KCNA3: variants seen among roughly 807,000 people sequenced by gnomAD.
The protein encoded by KCNA3 is RP11-284N8.3.
A neutral mutation model predicts 34.3 loss-of-function variants in KCNA3; 18 were observed. The observed-to-expected ratio is 0.52, with a 90% CI of 0.36 to 0.78. KCNA3 has a LOEUF of 0.78. Among genes scored for constraint, KCNA3 ranks in the 30% least tolerant of loss-of-function variants. The probability of loss-of-function intolerance (pLI) is 0.00; values close to 1 mark genes in which losing one functional copy is unlikely to be tolerated. For missense variants in KCNA3, 587 were observed against 802.5 expected, an observed-to-expected ratio of 0.73 and a Z score of 3.24; for synonymous variants, 324 against 351.7, an observed-to-expected ratio of 0.92 and a Z score of 0.88.
Position 110,673,030 on chromosome 1 carries a change from AG to A in KCNA3, c.*51del, listed in dbSNP as rs1485866815. ...ATAAAACAAGGGCATAGGCAGACCA[AG>A]GGGGCACGTTCCACACAATACTGAG... On this transcript the variant is annotated 3_prime_UTR_variant, in exon 1 of 1. Transcript: ENST00000369769. The surrounding 1 kb of genome is among the most constrained non-coding windows in gnomAD (Gnocchi z 8.8). The A allele has an allele frequency of 6.5e-7, 1 of 1,532,984 alleles. No homozygotes were observed. The highest frequency in any genetic ancestry group is 8.9e-7 in the Non-Finnish European group (1 of 1,128,848). 95.0% of individuals were successfully genotyped at this position (1,532,984 alleles called of 1,614,324 possible). A position where few individuals can be genotyped will look rare whatever the true frequency, so the allele number is the denominator to read the frequency against.
Position 110,674,803 on chromosome 1 carries a change from C to G in KCNA3, c.7G>C (p.Glu3Gln), listed in dbSNP as rs991161076. Residue 3 changes from glutamate to glutamine, a missense_variant, in exon 1 of 1, where the codon GAG becomes CAG. Around this residue, in one of 7 missense-constraint regions of KCNA3, gnomAD observed 341 missense variants for 355.4 expected, o/e 0.96. Coordinates refer to ENST00000369769, the MANE Select transcript of KCNA3 (RefSeq NM_002232.5). The surrounding 1 kb of genome is among the most constrained non-coding windows in gnomAD (Gnocchi z 6.4). The part of the protein sequence containing the change: MD[E>Q]RLSLLRSPPP... ...GGCGAGCGCAGAAGGCTGAGGCGCT[C>G]GTCCATGCGGCGGGGAAGAGGCGGC... The G allele has an allele frequency of 1.5e-6, 2 of 1,314,634 alleles. No homozygotes were observed. The highest frequency in any genetic ancestry group is 3.1e-5 in the East Asian group (1 of 31,854). The allele number at this position is 1,314,634 out of a possible 1,614,324, so 81.4% of individuals were successfully genotyped here.
the KCNA3 span, among the ~76,000 whole-genome samples, chr1:110,666,466 G>A: frequency 2.6e-5 from 4 of 152,084 alleles, no homozygotes; most frequent in Non-Finnish European, 4.4e-5. Flanking sequence ...AAAGAAGGAA[G>A]GGAGAAATAT....
the KCNA3 span, among the ~76,000 whole-genome samples, chr1:110,662,221 A>C: frequency 6.6e-6 from 1 of 152,138 alleles, no homozygotes; most frequent in African/African-American, 2.4e-5. Flanking sequence ...AAATGAGAGA[A>C]AGGAAGTACA....
In KCNA3 at chr1:110,673,985, T is replaced by C. The variant is rs1185222315; in HGVS notation, c.825A>G (p.Glu275=). Residue 275 remains glutamate (E), a synonymous_variant, in exon 1 of 1, where the codon GAA becomes GAG. Transcript: ENST00000369769. The surrounding 1 kb of genome is among the most constrained non-coding windows in gnomAD (Gnocchi z 8.8). ...ACCCCGACGTGCTGTTGCCGGCTGC[T>C]TCGAATGAGTCCTGCGACGTCGAGG... The part of the protein sequence containing the change: ...YPASTSQDSF[E]AAGNSTSGSR... 1.2e-6 allele frequency: 2 copies of C among 1,613,798 alleles called. No individual in the cohort carries two copies. Among genetic ancestry groups the C allele is most frequent in the Non-Finnish European group, 1.7e-6 (2 of 1,179,934 alleles).
At chr1:110,670,379 C>T (rs1651843207), downstream of KCNA3, among the ~76,000 whole-genome samples, 2 of 152,234 alleles carry the variant, frequency 1.3e-5, no homozygotes, top group South Asian at 2.1e-4. Context: ...GATTAAAGAA[C>T]AAAGGCCCCC....
Position 110,674,923 on chromosome 1 carries a change from G to C in KCNA3, c.-114C>G, listed in dbSNP as rs1652037996. The C allele has an allele frequency of 8.1e-7, 1 of 1,240,790 alleles. No homozygotes were observed. The highest frequency in any genetic ancestry group is 1.6e-5 in the African/African-American group (1 of 63,694). 76.9% of individuals were successfully genotyped at this position (1,240,790 alleles called of 1,614,324 possible). ...CACCGCCTGTTGCAGCCAAAGCCGC[G>C]ATGCTCTGTCTGGGTCTGGCGCGGT... On this transcript the variant is annotated 5_prime_UTR_variant, in exon 1 of 1. It adds an upstream start codon to the 5' untranslated region. Coordinates refer to ENST00000369769, the MANE Select transcript of KCNA3 (RefSeq NM_002232.5). The surrounding 1 kb of genome is among the most constrained non-coding windows in gnomAD (Gnocchi z 6.4).
chr1:110,674,898 C>T lies in KCNA3; in HGVS notation c.-89G>A. ...GCCGCCTCCGCCCCCGAGCCGAGCC[C>T]ACCGCCTGTTGCAGCCAAAGCCGCG... On this transcript the variant is annotated 5_prime_UTR_variant, in exon 1 of 1. Coordinates refer to ENST00000369769, the MANE Select transcript of KCNA3 (RefSeq NM_002232.5). The surrounding 1 kb of genome is among the most constrained non-coding windows in gnomAD (Gnocchi z 6.4). 2.4e-6 allele frequency: 3 copies of T among 1,267,710 alleles called. No individual in the cohort carries two copies. The highest frequency in any genetic ancestry group is 3.0e-6 in the Non-Finnish European group (3 of 1,009,102). The allele number at this position is 1,267,710 out of a possible 1,614,324, so 78.5% of individuals were successfully genotyped here.
At chr1:110,665,823 C>T in the KCNA3 span, among the ~76,000 whole-genome samples, 2 of 152,050 alleles carry the variant, frequency 1.3e-5, no homozygotes, top group Non-Finnish European at 2.9e-5. Flanking sequence ...GCTGACCATA[C>T]CAAATGCTTC....
chr1:110,667,910 G>A (rs1036833743), downstream of KCNA3, among the ~76,000 whole-genome samples: 1 of 152,078 alleles, frequency 6.6e-6, no homozygotes, highest in Non-Finnish European at 1.5e-5. Flanking sequence ...TATAGCAATG[G>A]CCATTTTCTG....
At chr1:110,653,692 T>C in the KCNA3 span, 8 of 152,192 alleles carry the variant, frequency 5.3e-5, no homozygotes, top group African/African-American at 1.2e-4. Flanking sequence ...TTCTGATATT[T>C]ACTTAACAAA....
rs1651944592 is a variant in KCNA3 at position 110,673,034 on chromosome 1, G to A, written c.*48C>T. 2.0e-6 allele frequency: 3 copies of A among 1,537,894 alleles called. No individual in the cohort carries two copies. The South Asian group carries it at 3.7e-5, about 19-fold the overall frequency. ...AACAAGGGCATAGGCAGACCAAGGG[G>A]GCACGTTCCACACAATACTGAGCAC... On this transcript the variant is annotated 3_prime_UTR_variant, in exon 1 of 1. Transcript: ENST00000369769. The surrounding 1 kb of genome is among the most constrained non-coding windows in gnomAD (Gnocchi z 8.8).
chr1:110,661,782 C>T, the KCNA3 span, among the ~76,000 whole-genome samples: 174 of 151,920 alleles, frequency 1.1e-3, no homozygotes, highest in African/African-American at 3.9e-3. Flanking sequence ...GGTAATTCAA[C>T]GAAACAAAAA....
At position 110,674,150 on chromosome 1, in the gene KCNA3, C is replaced by A; in HGVS notation, c.660G>T (p.Val220=). The change falls in exon 1 of 1, where the codon GTG becomes GTT. Residue 220 remains valine, a synonymous_variant. Transcript: ENST00000369769. The surrounding 1 kb of genome is among the most constrained non-coding windows in gnomAD (Gnocchi z 6.4). ...TCTCGGGGTACTCGAAGAGCAGCCA[C>A]ACCTGGCGCTGGAAGTCGCGGCGGG... The part of the protein sequence containing the change: ...PLPRRDFQRQ[V]WLLFEYPESS... The A allele has an allele frequency of 1.2e-6, 2 of 1,613,310 alleles. No homozygotes were observed. The highest frequency in any genetic ancestry group is 1.7e-6 in the Non-Finnish European group (2 of 1,179,628).
chr1:110,657,658 A>G, the KCNA3 span, among the ~76,000 whole-genome samples: 959 of 152,318 alleles, frequency 6.3e-3, 7 homozygotes, highest in African/African-American at 0.022. Flanking sequence ...TGAAACTGTA[A>G]CCTGTAATAA....
chr1:110,662,312 T>C, the KCNA3 span, among the ~76,000 whole-genome samples: 11 of 151,812 alleles, frequency 7.2e-5, no homozygotes, highest in East Asian at 2.1e-3. Flanking sequence ...AGAATAAGAA[T>C]AGTCAAATTT....
chr1:110,653,713 T>C, the KCNA3 span: 1 of 152,170 alleles, frequency 6.6e-6, no homozygotes, highest in South Asian at 2.1e-4. Context: ...AGACCCAAAA[T>C]TATTATGACA....
At position 110,672,539 on chromosome 1, in the gene KCNA3, A is replaced by C. The variant is rs1651927678; in HGVS notation, c.*543T>G. The stretch of plus-strand genomic sequence containing the variant: ...GGAAAGGGGATTCAAATAGGAATTT[A>C]AGTCAAAAACCAAATAACTCATGGT... On this transcript the variant is annotated 3_prime_UTR_variant, in exon 1 of 1. Coordinates refer to ENST00000369769, the MANE Select transcript of KCNA3 (RefSeq NM_002232.5). 1 of 152,724 alleles carries C rather than the reference A, an allele frequency of 6.5e-6. No homozygotes were observed. Among genetic ancestry groups the C allele is most frequent in the South Asian group, 2.1e-4 (1 of 4,836 alleles). 9.5% of individuals were successfully genotyped at this position (152,724 alleles called of 1,614,324 possible). A position where few individuals can be genotyped will look rare whatever the true frequency, so the allele number is the denominator to read the frequency against.
At chr1:110,658,452 C>G in the KCNA3 span, among the ~76,000 whole-genome samples, 3 of 152,116 alleles carry the variant, frequency 2.0e-5, no homozygotes, top group African/African-American at 7.2e-5. Flanking sequence ...TAAATTTTCA[C>G]AGTTTGACTT....
Position 110,672,785 on chromosome 1 carries a change from GCT to G in KCNA3, c.*295_*296del, listed in dbSNP as rs1651933961. ...GTTTCATTTCCTCCCAGGATGTACTGCTCTTTTTTAAATAGGGCGTGTACTAG... is the reference window on the plus strand; with the variant it reads ...GTTTCATTTCCTCCCAGGATGTACTGCTTTTTTAAATAGGGCGTGTACTAG... On this transcript the variant is annotated 3_prime_UTR_variant, in exon 1 of 1. Coordinates refer to ENST00000369769, the MANE Select transcript of KCNA3 (RefSeq NM_002232.5). 1 of 313,458 alleles carries G rather than the reference GCT, an allele frequency of 3.2e-6. No individual in the cohort carries two copies. Among genetic ancestry groups the G allele is most frequent in the Non-Finnish European group, 5.9e-6 (1 of 170,330 alleles). 19.4% of individuals were successfully genotyped at this position (313,458 alleles called of 1,614,324 possible). A position where few individuals can be genotyped will look rare whatever the true frequency, so the allele number is the denominator to read the frequency against.
Sources: allele counts gnomAD v4.1 joint callset (sites outside exome capture counted in the v4.1 genomes callset), GRCh38; gene constraint gnomAD v4.1.1; regional missense constraint gnomAD v4.1.1; non-coding constraint Gnocchi (gnomAD v3.1); transcripts MANE v1.5; gene names NCBI Gene and HGNC (gene_info 2026-07-23, HGNC 2026-07-21).